Variants in ANTXR1 observed in about 807,000 individuals in gnomAD.
The protein encoded by ANTXR1 is anthrax toxin receptor 1.
Under a neutral mutation model 78.1 loss-of-function variants are expected in ANTXR1, and 19 were observed. That is an observed-to-expected ratio of 0.24 (90% CI 0.17 to 0.36). ANTXR1 has a LOEUF of 0.36. ANTXR1 is among the 10% of genes least tolerant of loss of function. The probability of loss-of-function intolerance (pLI) is 1.00; values close to 1 mark genes in which losing one functional copy is unlikely to be tolerated. For missense variants in ANTXR1, 518 were observed against 718.6 expected, an observed-to-expected ratio of 0.72 and a Z score of 3.19; for synonymous variants, 273 against 260.5, an observed-to-expected ratio of 1.05 and a Z score of -0.46.
intron 8 of ANTXR1, among the ~76,000 whole-genome samples, chr2:69,087,087 G>A (rs900409754): frequency 1.3e-5 from 2 of 152,150 alleles, no homozygotes; most frequent in East Asian, 3.9e-4. Flanking sequence ...TTTTACAGCA[G>A]AGGAAACTGA....
chr2:69,142,309 T>C (rs1484948191), intron 12 of ANTXR1, among the ~76,000 whole-genome samples: 1 of 152,230 alleles, frequency 6.6e-6, no homozygotes, highest in Non-Finnish European at 1.5e-5. Flanking sequence ...CCTCATTCTA[T>C]TAAACACTTG....
At position 69,121,978 on chromosome 2, in the gene ANTXR1, C is replaced by T. The variant is rs550289121; in HGVS notation, c.803-1039C>T. On this transcript the variant is annotated intron_variant, in intron 10 of 17. Transcript: ENST00000303714. Reference sequence around the variant, plus strand: ...AGAACTTCCCTACTCCAAGAGTCCCCGACTCTGATTCACCTTCTACAGCTA... The same window carrying T: ...AGAACTTCCCTACTCCAAGAGTCCCTGACTCTGATTCACCTTCTACAGCTA... Among the ~76,000 whole-genome samples, 15 of 152,282 alleles carry T rather than the reference C, an allele frequency of 9.9e-5. No homozygotes were observed. The South Asian group carries it at 1.9e-3, about 19-fold the overall frequency.
In ANTXR1 at chr2:69,102,953, A is replaced by G. The variant is rs1671673788; in HGVS notation, c.802+13A>G. 6.2e-7 allele frequency: 1 copy of G among 1,612,452 alleles called. No individual in the cohort carries two copies. The highest frequency in any genetic ancestry group is 1.3e-5 in the African/African-American group (1 of 75,020). ...TCGGTCACACTCAGTAAGTCCTTGCAGAGTCCATGGGTTTCTTCGACAAGT... is the reference window on the plus strand; with the variant it reads ...TCGGTCACACTCAGTAAGTCCTTGCGGAGTCCATGGGTTTCTTCGACAAGT... On this transcript the variant is annotated intron_variant, in intron 10 of 17. Coordinates refer to ENST00000303714, the MANE Select transcript of ANTXR1 (RefSeq NM_032208.3).
At position 69,170,286 on chromosome 2, in the gene ANTXR1, T is replaced by C; in HGVS notation, c.1086T>C (p.Ser362=). The change falls in exon 14 of 18, where the codon AGT becomes AGC. Residue 362 remains serine, a synonymous_variant. Transcript: ENST00000303714. ...KEVPPPPAEE[S]EEEDDDGLPK... ...TCCCTCCACCCCCTGCCGAGGAGAG[T>C]GAGGTAAGTGACCACAGCAGGATGG... The C allele has an allele frequency of 6.2e-7, 1 of 1,613,736 alleles. No homozygotes were observed. Among genetic ancestry groups the C allele is most frequent in the Non-Finnish European group, 8.5e-7 (1 of 1,179,944 alleles).
intron 10 of ANTXR1, among the ~76,000 whole-genome samples, chr2:69,114,704 A>G (rs1672087106): frequency 6.6e-6 from 1 of 152,108 alleles, no homozygotes; most frequent in Non-Finnish European, 1.5e-5. Context: ...GGAGTGCCCC[A>G]TTTACATTAT....
intron 14 of ANTXR1, among the ~76,000 whole-genome samples, chr2:69,174,331 G>A (rs188664680): frequency 8.9e-4 from 136 of 152,364 alleles, no homozygotes; most frequent in South Asian, 4.8e-3. Flanking sequence ...CTCTGCCAGA[G>A]TTGCCTTAAG....
chr2:69,134,817 ATC>A (rs1672864497), intron 12 of ANTXR1, among the ~76,000 whole-genome samples: 2 of 152,324 alleles, frequency 1.3e-5, no homozygotes, highest in African/African-American at 4.8e-5. Context: ...CCTGAGAATA[ATC>A]TGTTTTCAAG....
chr2:69,095,056 C>T (rs530826344), intron 9 of ANTXR1, among the ~76,000 whole-genome samples: 1 of 152,316 alleles, frequency 6.6e-6, no homozygotes, highest in African/African-American at 2.4e-5. Flanking sequence ...ATTCCATGTT[C>T]AGACCATGGT....
intron 1 of ANTXR1, among the ~76,000 whole-genome samples, chr2:69,014,422 C>T (rs536287290): frequency 3.3e-5 from 5 of 152,030 alleles, no homozygotes; most frequent in Non-Finnish European, 7.4e-5. Flanking sequence ...GTAGTGAATT[C>T]AAGCTCTTGG....
At chr2:69,237,587 A>AT (rs1473962807) in intron 17 of ANTXR1, among the ~76,000 whole-genome samples, 4 of 152,052 alleles carry the variant, frequency 2.6e-5, no homozygotes, top group Non-Finnish European at 2.9e-5. Flanking sequence ...CATCAGGCTA[A>AT]TTTTTTTTAT....
In ANTXR1 at chr2:69,248,332, A is replaced by G. The variant is rs1676066195; in HGVS notation, c.*2847A>G. On this transcript the variant is annotated 3_prime_UTR_variant, in exon 18 of 18. Transcript: ENST00000303714. ...GTTGTAGTAAATTATTATAAAGCCG[A>G]TGATATTTCATGGCAGGTTATTCTA... 6.0e-6 allele frequency: 1 copy of G among 165,800 alleles called. No homozygotes were observed. Among genetic ancestry groups the G allele is most frequent in the South Asian group, 2.1e-4 (1 of 4,830 alleles). The allele number at this position is 165,800 out of a possible 1,614,324, so 10.3% of individuals were successfully genotyped here. A position where few individuals can be genotyped will look rare whatever the true frequency, so the allele number is the denominator to read the frequency against.
intron 10 of ANTXR1, among the ~76,000 whole-genome samples, chr2:69,122,710 C>T (rs1672388818): frequency 6.6e-6 from 1 of 152,078 alleles, no homozygotes; most frequent in Admixed American, 6.6e-5. Flanking sequence ...TCGTCATTTA[C>T]ATTAGGTATA....
rs1309109609 is a variant in ANTXR1 at position 69,205,338 on chromosome 2, C to A, written c.1434+11923C>A. On this transcript the variant is annotated intron_variant, in intron 17 of 17. Coordinates refer to ENST00000303714, the MANE Select transcript of ANTXR1 (RefSeq NM_032208.3). ...AACTGAGAGAGGACACACAGGCCTG[C>A]AACCAGGGAGGGTAGGGAGTGCAGC... Among the ~76,000 whole-genome samples the A allele has an allele frequency of 2.6e-5, 4 of 152,100 alleles. No individual in the cohort carries two copies. The East Asian group carries it at 7.7e-4, about 29-fold the overall frequency.
At chr2:69,072,622 T>C (rs1020810667) in intron 5 of ANTXR1, among the ~76,000 whole-genome samples, 5 of 152,236 alleles carry the variant, frequency 3.3e-5, no homozygotes, top group African/African-American at 9.6e-5. Flanking sequence ...GGGTGGTGTA[T>C]GTGGTCCATT....
intron 17 of ANTXR1, among the ~76,000 whole-genome samples, chr2:69,244,409 G>A (rs536135893): frequency 3.9e-5 from 6 of 152,330 alleles, no homozygotes; most frequent in Middle Eastern, 3.4e-3. Context: ...AGGTGCAGCC[G>A]CGTGTAGAAG....
At chr2:69,050,323 A>AATAT (rs1241818114) in intron 3 of ANTXR1, among the ~76,000 whole-genome samples, 3 of 152,098 alleles carry the variant, frequency 2.0e-5, no homozygotes, top group African/African-American at 7.2e-5. Context: ...TAAATAAATA[A>AATAT]AAGATTTTCT....
At chr2:69,143,124 C>G (rs1332128322) in intron 12 of ANTXR1, among the ~76,000 whole-genome samples, 2 of 152,130 alleles carry the variant, frequency 1.3e-5, no homozygotes. Flanking sequence ...CCATAAGTGG[C>G]TCCAACTGCA....
intron 12 of ANTXR1, among the ~76,000 whole-genome samples, chr2:69,126,805 C>T (rs1018827426): frequency 2.0e-5 from 3 of 152,214 alleles, no homozygotes; most frequent in Non-Finnish European, 2.9e-5. Context: ...CTTCCCAACC[C>T]ACGGCAGCCT....
At chr2:69,176,523 G>A (rs536462330) in intron 14 of ANTXR1, among the ~76,000 whole-genome samples, 2 of 152,318 alleles carry the variant, frequency 1.3e-5, no homozygotes, top group South Asian at 4.1e-4. Flanking sequence ...AGACCTGGGA[G>A]TTTCTGTAGC....
Sources: allele counts gnomAD v4.1 joint callset (sites outside exome capture counted in the v4.1 genomes callset), GRCh38; gene constraint gnomAD v4.1.1; transcripts MANE v1.5; gene names NCBI Gene and HGNC (gene_info 2026-07-23, HGNC 2026-07-21).